The following SYNE1 variants were observed in gnomAD, a reference collection of about 807,000 sequenced individuals.
SYNE1 encodes nesprin-1.
A neutral mutation model predicts 1,111.0 loss-of-function variants in SYNE1; 616 were observed. That is an observed-to-expected ratio of 0.55 (90% CI 0.52 to 0.59). The LOEUF (loss-of-function observed/expected upper bound fraction) is 0.59. Among genes scored for constraint, SYNE1 ranks in the 20% least tolerant of loss-of-function variants. SYNE1 has a pLI of 0.00. For missense variants in SYNE1, 10,006 were observed against 10,417.0 expected (o/e 0.96, Z 1.72); for synonymous variants, 3,855 against 3,825.8 (o/e 1.01, Z -0.28).
At chr6:152,606,362 C>T (rs1171502601) in intron 3 of SYNE1, among the ~76,000 whole-genome samples, 1 of 152,164 alleles carries the variant, frequency 6.6e-6, no homozygotes, top group Non-Finnish European at 1.5e-5. Flanking sequence ...TCCAGAGCAA[C>T]TCACTGCAAA....
At chr6:152,183,377 G>T (rs756535932) in intron 128 of SYNE1, among the ~76,000 whole-genome samples, 77 of 152,160 alleles carry the variant, frequency 5.1e-4, no homozygotes, top group Non-Finnish European at 1.6e-4. Flanking sequence ...AGCACTTTGG[G>T]AGGCCGAGGT....
chr6:152,339,336 C>T lies in SYNE1; in HGVS notation c.12256G>A (p.Ala4086Thr), dbSNP rs1386738715. The T allele has an allele frequency of 2.5e-6, 4 of 1,613,928 alleles. No individual in the cohort carries two copies. The change falls in exon 75 of 146, where the codon GCA becomes ACA. Residue 4086 changes from alanine (A) to threonine (T), a missense_variant. Physicochemically the swap from Ala to Thr is moderately conservative, Grantham distance 58. Transcript: ENST00000367255. ...VKHFRALQEQ[A>T]RTYLDLLCSM... The stretch of plus-strand genomic sequence containing the variant: ...CAAAGGAGATCTAGGTAGGTCCTTG[C>T]CTGCTCTTGCAAAGCTCTGAAGTGT...
chr6:152,624,073 A>G (rs745389200), intron 3 of SYNE1, among the ~76,000 whole-genome samples: 25 of 152,164 alleles, frequency 1.6e-4, no homozygotes, highest in Non-Finnish European at 2.9e-4. Flanking sequence ...TTTCATAGCT[A>G]TATCTCCAAG....
At chr6:152,161,810 T>C (rs1158896391) in intron 131 of SYNE1, among the ~76,000 whole-genome samples, 1 of 152,154 alleles carries the variant, frequency 6.6e-6, no homozygotes, top group Non-Finnish European at 1.5e-5. Context: ...TAAGTATCAC[T>C]AATTGAAGGT....
rs145900774 is a variant in SYNE1, at chr6:152,240,660, C to T, written c.19894-954G>A. Reference sequence around the variant, plus strand: ...ATGTGCTTACTGTTTGCTAGGCACTCCATAAATACTTTATCTGACTCATCT... The same window carrying T: ...ATGTGCTTACTGTTTGCTAGGCACTTCATAAATACTTTATCTGACTCATCT... On this transcript the variant is annotated intron_variant, in intron 107 of 145. Coordinates refer to ENST00000367255, the MANE Select transcript of SYNE1 (RefSeq NM_182961.4). 9.2e-5 allele frequency among the ~76,000 whole-genome samples: 14 copies of T among 152,284 alleles called. No homozygotes were observed. The East Asian group carries it at 2.7e-3, about 29-fold the overall frequency.
chr6:152,595,111 G>T (rs1287637844), intron 3 of SYNE1, among the ~76,000 whole-genome samples: 1 of 152,098 alleles, frequency 6.6e-6, no homozygotes, highest in African/African-American at 2.4e-5. Flanking sequence ...GCGGTCTCCT[G>T]TCTTTTGTTC....
Position 152,628,503 on chromosome 6 carries a change from C to A in SYNE1, c.-172G>T. On this transcript the variant is annotated 5_prime_UTR_variant, in exon 3 of 146. Transcript: ENST00000367255. Reference sequence around the variant, plus strand: ...GGCAGCTCTCCCAAAGACTGAACTGCTTCTTTTTCTTCTTCCGTTTTAAGA... The same window carrying A: ...GGCAGCTCTCCCAAAGACTGAACTGATTCTTTTTCTTCTTCCGTTTTAAGA... 1.5e-6 allele frequency: 1 copy of A among 659,746 alleles called. No homozygotes were observed. Among genetic ancestry groups the A allele is most frequent in the Non-Finnish European group, 2.7e-6 (1 of 369,040 alleles). The allele number at this position is 659,746 out of a possible 1,614,324, so 40.9% of individuals were successfully genotyped here.
chr6:152,515,923 A>G (rs1439673783), intron 6 of SYNE1, among the ~76,000 whole-genome samples: 2 of 152,220 alleles, frequency 1.3e-5, no homozygotes, highest in African/African-American at 4.8e-5. Context: ...TCCCCAGTAA[A>G]ATGAGGAATA....
intron 6 of SYNE1, among the ~76,000 whole-genome samples, chr6:152,512,363 T>G (rs1478644781): frequency 1.3e-5 from 2 of 152,164 alleles, no homozygotes; most frequent in African/African-American, 4.8e-5. Flanking sequence ...TTAAGATATC[T>G]TTATGGAAAA....
chr6:152,568,289 C>CTT (rs10601350), intron 3 of SYNE1, among the ~76,000 whole-genome samples: 1,195 of 80,282 alleles, frequency 0.015, 43 homozygotes, highest in African/African-American at 0.017. Context: ...TTATTTTATT[C>CTT]TTTTTTTTTT....
At position 152,425,533 on chromosome 6, in the gene SYNE1, T is replaced by A; in HGVS notation, c.5115A>T (p.Glu1705Asp). ...ELQLIQALQN[E>D]VVSQASFYSK... is the part of the protein sequence containing the mutation. Reference sequence around the variant, plus strand: ...TATAGAATGAGGCCTGGGATACAACTTCATTTTGCAGTGCCTGAAAAATAC... The same window carrying A: ...TATAGAATGAGGCCTGGGATACAACATCATTTTGCAGTGCCTGAAAAATAC... The change falls in exon 39 of 146, where the codon GAA (glutamate) becomes GAT (aspartate). Residue 1705 changes from glutamate (E) to aspartate (D), a missense_variant. Transcript: ENST00000367255. 1 of 1,614,144 alleles carries A rather than the reference T, an allele frequency of 6.2e-7. No homozygotes were observed.
rs214959 is a variant in SYNE1, at chr6:152,381,686, G to A, written c.8653-324C>T. On this transcript the variant is annotated intron_variant, in intron 55 of 145. Transcript: ENST00000367255. Reference sequence around the variant, plus strand: ...TTTGCCTGTGGTGGATTGCTCCTGTGAATGATTAAACCCATATTTCCCTCA... The same window carrying A: ...TTTGCCTGTGGTGGATTGCTCCTGTAAATGATTAAACCCATATTTCCCTCA... 225,446 of 378,674 alleles carry A rather than the reference G, an allele frequency of 0.6. 70,372 individuals are homozygous for A. The highest frequency in any genetic ancestry group is 0.9 in the African/African-American group (43,479 of 48,534). 23.5% of individuals were successfully genotyped at this position (378,674 alleles called of 1,614,324 possible).
chr6:152,428,301 T>C lies in SYNE1; in HGVS notation c.4880A>G (p.Gln1627Arg). The C allele has an allele frequency of 1.2e-6, 2 of 1,614,154 alleles. No homozygotes were observed. Among genetic ancestry groups the C allele is most frequent in the Middle Eastern group, 1.6e-4 (1 of 6,062 alleles). The change falls in exon 37 of 146, where the codon CAG becomes CGG. Residue 1627 changes from glutamine to arginine, a missense_variant. Coordinates refer to ENST00000367255, the MANE Select transcript of SYNE1 (RefSeq NM_182961.4). ...TTGCTGCTGTAGAGCCGCAGCCTCC[T>C]GAACACAGGAATCTCTGTTCACAAC... Reference protein sequence around the residue: ...RKVVNRDSCVQEAAALQQQYE... With the variant: ...RKVVNRDSCVREAAALQQQYE...
intron 65 of SYNE1, 30 bp from the exon 66 acceptor site, chr6:152,358,567 A>T (rs1258124990): frequency 6.2e-7 from 1 of 1,611,468 alleles, no homozygotes; most frequent in East Asian, 2.2e-5. Flanking sequence ...TAATGAAGTT[A>T]GGAACACATT....
intron 56 of SYNE1, 135 bp from the exon 57 acceptor site, chr6:152,377,047 T>C: frequency 1.7e-6 from 2 of 1,188,966 alleles, no homozygotes; most frequent in Non-Finnish European, 2.4e-6. Context: ...AATGAAGAAA[T>C]GAAGCCTGTT....
At chr6:152,348,638 T>C (rs769529282) in intron 72 of SYNE1, among the ~76,000 whole-genome samples, 3 of 151,900 alleles carry the variant, frequency 2.0e-5, no homozygotes, top group Non-Finnish European at 2.9e-5. Context: ...TGAGCTGAGG[T>C]TGCACCATTG....
At chr6:152,494,049 G>A (rs1021259110) in intron 11 of SYNE1, among the ~76,000 whole-genome samples, 3 of 152,116 alleles carry the variant, frequency 2.0e-5, no homozygotes, top group Admixed American at 6.5e-5. Context: ...CACAAGAGCC[G>A]GGACTGCACT....
intron 4 of SYNE1, among the ~76,000 whole-genome samples, chr6:152,535,785 G>T (rs1200996685): frequency 6.6e-6 from 1 of 151,746 alleles, no homozygotes; most frequent in Non-Finnish European, 1.5e-5. Flanking sequence ...GTTCCCTTTG[G>T]GTGGCTGAAG....
At chr6:152,354,525 T>C in intron 67 of SYNE1, 134 bp downstream of exon 67, 1 of 980,640 alleles carries the variant, frequency 1.0e-6, no homozygotes, top group Non-Finnish European at 1.6e-6. Context: ...TGTGATTTAT[T>C]TTAACTTTCT....
Sources: gnomAD v4.1 joint callset for allele counts (sites outside exome capture counted in the v4.1 genomes callset) on GRCh38, gnomAD v4.1.1 for gene constraint, MANE v1.5 for transcripts, NCBI Gene and HGNC (gene_info 2026-07-23, HGNC 2026-07-21) for gene names.